The following PSEN2 variants were observed in gnomAD, a reference collection of about 807,000 sequenced individuals.
PSEN2 encodes the protein presenilin 2.
A neutral mutation model predicts 49.1 loss-of-function variants in PSEN2; 32 were observed. The observed-to-expected ratio is 0.65, with a 90% confidence interval of 0.49 to 0.88. The LOEUF is 0.88. PSEN2 is among the 40% of genes least tolerant of loss of function. The pLI is 0.00. For missense variants in PSEN2, 522 were observed against 586.9 expected, an observed-to-expected ratio of 0.89 and a Z score of 1.14; for synonymous variants, 255 against 244.0, an observed-to-expected ratio of 1.05 and a Z score of -0.42.
At chr1:226,885,896 G>A (rs1387410548) in intron 6 of PSEN2, among the ~76,000 whole-genome samples, 2 of 148,444 alleles carry the variant, frequency 1.3e-5, no homozygotes, top group African/African-American at 4.9e-5. Context: ...TTGAAACATG[G>A]TCTCACTCCA....
chr1:226,884,538 CTTTTTT>C (rs35353885), intron 5 of PSEN2: 1 of 143,916 alleles, frequency 6.9e-6, no homozygotes, highest in Non-Finnish European at 1.5e-5. Flanking sequence ...CTTCTGTAAA[CTTTTTT>C]TTTTTTTTTT....
At chr1:226,902,234 A>C (rs553097847) in intron 12 of PSEN2, among the ~76,000 whole-genome samples, 1 of 152,198 alleles carries the variant, frequency 6.6e-6, no homozygotes, top group Non-Finnish European at 1.5e-5. Context: ...TCGAGGTCCT[A>C]TGAGAATCCG....
chr1:226,893,921 A>G lies in PSEN2; in HGVS notation c.1073-86A>G, dbSNP rs10753428. The G allele has an allele frequency of 0.76, 913,657 of 1,199,064 alleles. 350,185 individuals carry two copies. The highest frequency in any genetic ancestry group is 0.82 in the Middle Eastern group (3,830 of 4,694). 74.3% of individuals were successfully genotyped at this position (1,199,064 alleles called of 1,614,324 possible). A position where few individuals can be genotyped will look rare whatever the true frequency, so the allele number is the denominator to read the frequency against. ...GGGGTGGGCTGGGCTGGGCAAGAGC[A>G]GCTGGGCCTTCTGGGCCAGAGTTTC... On this transcript the variant is annotated intron_variant, in intron 11 of 12. Coordinates refer to ENST00000366783, the MANE Select transcript of PSEN2 (RefSeq NM_000447.3).
At chr1:226,887,372 T>G (rs1661427435) in intron 6 of PSEN2, among the ~76,000 whole-genome samples, 1 of 152,030 alleles carries the variant, frequency 6.6e-6, no homozygotes, top group South Asian at 2.1e-4. Flanking sequence ...GAGGTCCCAG[T>G]GGGCTGAGCT....
chr1:226,889,124 G>A (rs1371380578), intron 8 of PSEN2, 75 bp downstream of exon 8: 1 of 1,371,620 alleles, frequency 7.3e-7, no homozygotes, highest in Non-Finnish European at 1.0e-6. Flanking sequence ...GCTGCACAAG[G>A]AGGGCAGGTG....
At chr1:226,873,714 C>T (rs1459222172) in intron 2 of PSEN2, among the ~76,000 whole-genome samples, 1 of 152,166 alleles carries the variant, frequency 6.6e-6, no homozygotes, top group African/African-American at 2.4e-5. Flanking sequence ...TTGCGCTGGG[C>T]TGAGATAACC....
intron 4 of PSEN2, 133 bp from the exon 5 acceptor site, chr1:226,883,572 A>G: frequency 2.4e-6 from 2 of 823,358 alleles, no homozygotes; most frequent in Non-Finnish European, 4.1e-6. Flanking sequence ...ATGCCCTAGT[A>G]GCTCATAGAC....
At chr1:226,889,338 G>A (rs1346193496) in intron 8 of PSEN2, among the ~76,000 whole-genome samples, 2 of 151,934 alleles carry the variant, frequency 1.3e-5, no homozygotes, top group Admixed American at 6.6e-5. Context: ...GTGTAGTGGC[G>A]CCATCTTGGC....
intron 3 of PSEN2, among the ~76,000 whole-genome samples, chr1:226,878,510 T>C (rs1660775181): frequency 6.6e-6 from 1 of 152,224 alleles, no homozygotes; most frequent in East Asian, 1.9e-4. Context: ...GCTCTCTGCT[T>C]ATCCATTTTT....
chr1:226,883,195 A>G (rs1661108877), intron 4 of PSEN2, among the ~76,000 whole-genome samples: 1 of 152,224 alleles, frequency 6.6e-6, no homozygotes, highest in Non-Finnish European at 1.5e-5. Flanking sequence ...ACAAATTTAC[A>G]TGCTTGATTC....
At chr1:226,872,086 T>A (rs1198329470) in intron 2 of PSEN2, among the ~76,000 whole-genome samples, 1 of 152,172 alleles carries the variant, frequency 6.6e-6, no homozygotes, top group Admixed American at 6.5e-5. Context: ...GTGAGTGGCT[T>A]GTTCCTGTCT....
At chr1:226,889,590 A>G (rs1282973846) in intron 8 of PSEN2, among the ~76,000 whole-genome samples, 1 of 152,128 alleles carries the variant, frequency 6.6e-6, no homozygotes, top group Non-Finnish European at 1.5e-5. Context: ...TTCCATTATT[A>G]CTGCTATGCT....
chr1:226,893,283 C>T (rs142445855), intron 11 of PSEN2, among the ~76,000 whole-genome samples: 1 of 152,102 alleles, frequency 6.6e-6, no homozygotes, highest in Non-Finnish European at 1.5e-5. Context: ...AATGAAGAGA[C>T]AGTGAAGAAG....
At chr1:226,880,309 C>T (rs1660891561) in intron 3 of PSEN2, among the ~76,000 whole-genome samples, 1 of 152,142 alleles carries the variant, frequency 6.6e-6, no homozygotes, top group South Asian at 2.1e-4. Flanking sequence ...CCCAGGAGTT[C>T]AAGGCTGCAG....
intron 5 of PSEN2, among the ~76,000 whole-genome samples, chr1:226,884,977 G>A (rs1174049276): frequency 1.3e-5 from 2 of 152,128 alleles, no homozygotes; most frequent in African/African-American, 2.4e-5. Flanking sequence ...AGTGTGTGGG[G>A]GATTCAGCGC....
chr1:226,886,816 T>A (rs1251649728), intron 6 of PSEN2, among the ~76,000 whole-genome samples: 3 of 152,000 alleles, frequency 2.0e-5, no homozygotes, highest in Non-Finnish European at 4.4e-5. Flanking sequence ...AAGTAATGAG[T>A]ACCAGCTGGG....
Position 226,891,895 on chromosome 1 carries a change from G to A in PSEN2, c.1072+51G>A, listed in dbSNP as rs1269151329. 2.6e-6 allele frequency: 4 copies of A among 1,546,278 alleles called. No homozygotes were observed. In the Admixed American group the frequency reaches 6.7e-5, roughly 26 times the overall value. ...TGCTTCAGCCTACGGCGGGAGCGGAGACAGAGGGTGGAGGCTCCCTGCAGC... is the reference window on the plus strand; with the variant it reads ...TGCTTCAGCCTACGGCGGGAGCGGAAACAGAGGGTGGAGGCTCCCTGCAGC... On this transcript the variant is annotated intron_variant, in intron 11 of 12. Transcript: ENST00000366783.
At chr1:226,894,677 G>A (rs1339445277) in intron 12 of PSEN2, among the ~76,000 whole-genome samples, 9 of 152,214 alleles carry the variant, frequency 5.9e-5, no homozygotes, top group African/African-American at 2.2e-4. Context: ...ACGTCCTGCC[G>A]TGACTTCATC....
chr1:226,887,787 G>A (rs1430712624), intron 6 of PSEN2, among the ~76,000 whole-genome samples: 2 of 152,132 alleles, frequency 1.3e-5, no homozygotes, highest in African/African-American at 4.8e-5. Flanking sequence ...ACAGTGCCTG[G>A]CAAGTAGGAG....
Sources: gnomAD v4.1 joint callset for allele counts (sites outside exome capture counted in the v4.1 genomes callset) on GRCh38, gnomAD v4.1.1 for gene constraint, MANE v1.5 for transcripts, NCBI Gene and HGNC (gene_info 2026-07-23, HGNC 2026-07-21) for gene names.